The following ADAMTS2 variants were observed in gnomAD, a reference collection of about 807,000 sequenced individuals.
ADAMTS2 encodes the protein ADAM metallopeptidase with thrombospondin type 1 motif 2.
A neutral mutation model predicts 123.0 loss-of-function variants in ADAMTS2; 50 were observed. The observed-to-expected ratio is 0.41, with a 90% CI of 0.32 to 0.51. ADAMTS2 has a LOEUF of 0.51. ADAMTS2 is among the 20% of genes least tolerant of loss of function. ADAMTS2 has a pLI of 0.35. For synonymous variants in ADAMTS2, 678 were observed against 695.4 expected, an observed-to-expected ratio of 0.98 and a Z score of 0.39; for missense variants, 1,494 against 1,705.2, an observed-to-expected ratio of 0.88 and a Z score of 2.18.
At chr5:179,168,152 T>C (rs961326790) in intron 5 of ADAMTS2, among the ~76,000 whole-genome samples, 1 of 152,186 alleles carries the variant, frequency 6.6e-6, no homozygotes, top group African/African-American at 2.4e-5. Flanking sequence ...GCGGGCACCC[T>C]GTTCATGGCA....
chr5:179,302,802 G>T (rs994188010), intron 2 of ADAMTS2, among the ~76,000 whole-genome samples: 1 of 152,066 alleles, frequency 6.6e-6, no homozygotes, highest in Non-Finnish European at 1.5e-5. Context: ...GCGATGGAGA[G>T]ATCTGGGGAA....
rs201261427 is a variant in ADAMTS2 at position 179,207,715 on chromosome 5, C to A, written c.689G>T (p.Gly230Val). The change falls in exon 4 of 22, where the codon GGG (glycine) becomes GTG (valine). Residue 230 changes from glycine (G) to valine (V), a missense_variant and splice_region_variant. Coordinates refer to ENST00000251582, the MANE Select transcript of ADAMTS2 (RefSeq NM_014244.5). ...GCTGTCCAGGCTGTCCAGGGAGGCC[C>A]CTGCAAGGAGAGGACACCGTCTTCA... ...PLGGPQALDT[G>V]ASLDSLDSLS... The A allele has an allele frequency of 4.3e-6, 7 of 1,610,364 alleles. No individual in the cohort carries two copies. In the African/African-American group the frequency reaches 9.3e-5, roughly 21 times the overall value.
At position 179,225,747 on chromosome 5, in the gene ADAMTS2, C is replaced by T. The variant is rs1200090761; in HGVS notation, c.689-18032G>A. Among the ~76,000 whole-genome samples the T allele has an allele frequency of 6.6e-6, 1 of 152,202 alleles. No homozygotes were observed. The highest frequency in any genetic ancestry group is 1.5e-5 in the Non-Finnish European group (1 of 68,032). On this transcript the variant is annotated intron_variant, in intron 3 of 21. Transcript: ENST00000251582. This position sits in a 1 kb window ranked among gnomAD's most constrained non-coding sequence, Gnocchi z 4.5. ...GGGAAAGCCCTTTGCACCCCATCCT[C>T]CTTCTGGCTTCCCCCATCTGCTGAG...
chr5:179,153,494 C>G lies in ADAMTS2; in HGVS notation c.1512G>C (p.Thr504=), dbSNP rs141369064. ...GGCTGCAGGGCTGCACACTCACCGC[C>G]GTGCACATCATGTAGCCCAGGCCGA... ...FDFGLGYMMC[T]AFRTFDPCKQ... The change falls in exon 9 of 22, where the codon ACG becomes ACC. Residue 504 remains threonine, a synonymous_variant. Coordinates refer to ENST00000251582, the MANE Select transcript of ADAMTS2 (RefSeq NM_014244.5). 1 of 1,608,804 alleles carries G rather than the reference C, an allele frequency of 6.2e-7. No homozygotes were observed. The highest frequency in any genetic ancestry group is 8.5e-7 in the Non-Finnish European group (1 of 1,179,882).
At chr5:179,264,567 C>T (rs1220798093) in intron 3 of ADAMTS2, among the ~76,000 whole-genome samples, 1 of 152,238 alleles carries the variant, frequency 6.6e-6, no homozygotes, top group Non-Finnish European at 1.5e-5. Context: ...GTCTGCATGC[C>T]AGGGACTGTT....
intron 3 of ADAMTS2, among the ~76,000 whole-genome samples, chr5:179,224,345 C>T (rs1026307491): frequency 3.9e-5 from 6 of 152,220 alleles, no homozygotes; most frequent in Non-Finnish European, 2.9e-5. Flanking sequence ...CACACCACAG[C>T]AATTCTCACT....
chr5:179,146,954 G>A (rs192861235), intron 10 of ADAMTS2, among the ~76,000 whole-genome samples: 25 of 152,298 alleles, frequency 1.6e-4, no homozygotes, highest in Non-Finnish European at 5.9e-5. Flanking sequence ...TGAAAACAGT[G>A]CCTTCAGACG....
intron 3 of ADAMTS2, among the ~76,000 whole-genome samples, chr5:179,219,155 C>T (rs927870648): frequency 2.0e-5 from 3 of 152,164 alleles, no homozygotes; most frequent in Non-Finnish European, 4.4e-5. Context: ...GGAAGACTCC[C>T]GTGCTTTCCT....
chr5:179,334,772 A>G (rs576314199), intron 2 of ADAMTS2, among the ~76,000 whole-genome samples: 2 of 152,340 alleles, frequency 1.3e-5, no homozygotes, highest in East Asian at 3.9e-4. Context: ...GTTCTATAAA[A>G]ATCAGTAGCC....
chr5:179,241,828 A>G (rs1452752816), intron 3 of ADAMTS2, among the ~76,000 whole-genome samples: 1 of 152,192 alleles, frequency 6.6e-6, no homozygotes, highest in Non-Finnish European at 1.5e-5. Context: ...GTGTGTACCT[A>G]TCTCTACGCA....
At chr5:179,274,784 C>T (rs1479037973) in intron 2 of ADAMTS2, among the ~76,000 whole-genome samples, 1 of 152,248 alleles carries the variant, frequency 6.6e-6, no homozygotes, top group Non-Finnish European at 1.5e-5. Flanking sequence ...CGCACTCAGC[C>T]TGGGCCCTCG....
intron 4 of ADAMTS2, among the ~76,000 whole-genome samples, chr5:179,187,675 C>G (rs2113327390): frequency 6.6e-6 from 1 of 152,236 alleles, no homozygotes; most frequent in South Asian, 2.1e-4. Context: ...AAGCAGCTCT[C>G]CTTTCCCAGG....
chr5:179,206,120 C>T (rs935682168), intron 4 of ADAMTS2, among the ~76,000 whole-genome samples: 3 of 152,168 alleles, frequency 2.0e-5, no homozygotes, highest in Non-Finnish European at 2.9e-5. Context: ...AGTGTGACAA[C>T]GCTCTCCCAA....
At chr5:179,334,100 C>T (rs1028607639) in intron 2 of ADAMTS2, among the ~76,000 whole-genome samples, 5 of 152,110 alleles carry the variant, frequency 3.3e-5, no homozygotes, top group Non-Finnish European at 5.9e-5. Flanking sequence ...GGGAGGGAGA[C>T]GCCACTGGGA....
intron 2 of ADAMTS2, among the ~76,000 whole-genome samples, chr5:179,334,179 AG>A (rs1188549709): frequency 6.6e-6 from 1 of 152,166 alleles, no homozygotes; most frequent in Non-Finnish European, 1.5e-5. Flanking sequence ...TTCCAAGAAC[AG>A]GGTCCTGTTC....
intron 3 of ADAMTS2, among the ~76,000 whole-genome samples, chr5:179,213,152 A>G (rs1764900380): frequency 6.6e-6 from 1 of 152,098 alleles, no homozygotes; most frequent in Non-Finnish European, 1.5e-5. Context: ...GACACGGCCG[A>G]CTGCTGTCCC....
chr5:179,220,801 C>A (rs575139445), intron 3 of ADAMTS2, among the ~76,000 whole-genome samples: 1 of 152,330 alleles, frequency 6.6e-6, no homozygotes, highest in African/African-American at 2.4e-5. Flanking sequence ...CCTTCACGTC[C>A]TTTGATGTTG....
rs1554099715 is a variant in ADAMTS2 at position 179,341,729 on chromosome 5, A to AAG, written c.534+2037_534+2038insCT. Among the ~76,000 whole-genome samples, 246 of 144,090 alleles carry AAG rather than the reference A, an allele frequency of 1.7e-3. 17 individuals are homozygous for AAG. Among genetic ancestry groups the AAG allele is most frequent in the East Asian group, 0.015 (75 of 4,914 alleles). 94.5% of individuals were successfully genotyped at this position (144,090 alleles called of 152,430 possible). ...GACTCCGTCTCAAAAAAAAAAAAAA[A>AAG]AAAGAAAACAGAACCAATGGTGCTG... is the stretch of plus-strand genomic sequence containing the variant. On this transcript the variant is annotated intron_variant, in intron 2 of 21. Transcript: ENST00000251582.
chr5:179,177,061 C>T (rs1293690050), intron 5 of ADAMTS2, among the ~76,000 whole-genome samples: 3 of 152,232 alleles, frequency 2.0e-5, no homozygotes, highest in South Asian at 2.1e-4. Context: ...ACAATTGTTT[C>T]CTTGTCTAGA....
Sources: gnomAD v4.1 joint callset for allele counts (sites outside exome capture counted in the v4.1 genomes callset) on GRCh38, gnomAD v4.1.1 for gene constraint, Gnocchi (gnomAD v3.1) non-coding constraint, MANE v1.5 for transcripts, NCBI Gene and HGNC (gene_info 2026-07-23, HGNC 2026-07-21) for gene names.